Variants in GRAMD1B observed in about 807,000 individuals in gnomAD.
GRAMD1B encodes GRAM domain containing 1B.
In GRAMD1B, 37 loss-of-function variants were observed where a neutral mutation model predicts 99.7. That is an observed-to-expected ratio of 0.37 (90% CI 0.29 to 0.49). GRAMD1B has a LOEUF of 0.49. Ranked by LOEUF, GRAMD1B falls within the 20% of genes least tolerant of loss-of-function variation. The probability of loss-of-function intolerance (pLI) is 0.98; values close to 1 mark genes in which losing one functional copy is unlikely to be tolerated. For missense variants in GRAMD1B, 888 were observed against 1,009.2 expected, an observed-to-expected ratio of 0.88 and a Z score of 1.63; for synonymous variants, 427 against 387.6, an observed-to-expected ratio of 1.10 and a Z score of -1.19.
Position 123,626,037 on chromosome 11 carries a change from T to A in GRAMD1B, c.*3442T>A, listed in dbSNP as rs1480945092. On this transcript the variant is annotated 3_prime_UTR_variant, in exon 20 of 20. Coordinates refer to ENST00000635736, the MANE Select transcript of GRAMD1B (RefSeq NM_001387025.1). ...TAGAAGGGTTTCTTTCTCTTTGGCCTAGTTTGTGAAGGGATCTTCCTTTGG... is the reference window on the plus strand; with the variant it reads ...TAGAAGGGTTTCTTTCTCTTTGGCCAAGTTTGTGAAGGGATCTTCCTTTGG... 6.6e-6 allele frequency: 1 copy of A among 151,526 alleles called. No individual in the cohort carries two copies. Among genetic ancestry groups the A allele is most frequent in the African/African-American group, 2.4e-5 (1 of 41,230 alleles). 9.4% of individuals were successfully genotyped at this position (151,526 alleles called of 1,614,324 possible).
At chr11:123,486,539 C>A (rs1937794472) in intron 2 of GRAMD1B, among the ~76,000 whole-genome samples, 1 of 143,720 alleles carries the variant, frequency 7.0e-6, no homozygotes, top group Non-Finnish European at 1.5e-5. Context: ...CAGAGTGAGA[C>A]CCTGTCTCAA....
intron 1 of GRAMD1B, among the ~76,000 whole-genome samples, chr11:123,442,252 C>G (rs1408599664): frequency 1.3e-5 from 2 of 152,142 alleles, no homozygotes; most frequent in Non-Finnish European, 2.9e-5. Flanking sequence ...TGTACTTTTT[C>G]TTTTTTTATT....
At chr11:123,431,209 C>T (rs1201305268) in intron 1 of GRAMD1B, 43 bp downstream of exon 1, 4 of 660,722 alleles carry the variant, frequency 6.1e-6, no homozygotes, top group South Asian at 1.6e-5. Context: ...CCCTCCCGTC[C>T]TCTCCAGAGC....
intron 1 of GRAMD1B, chr11:123,432,094 C>A (rs899361241): frequency 1.0e-5 from 4 of 398,484 alleles, no homozygotes; most frequent in Non-Finnish European, 1.8e-5. Flanking sequence ...AATTCCTTCT[C>A]CAAATCTGTT....
rs1943041890 is a variant in GRAMD1B, at chr11:123,528,660, C to T, written c.452+47767C>T. On this transcript the variant is annotated intron_variant, in intron 2 of 19. Transcript: ENST00000635736. The stretch of plus-strand genomic sequence containing the variant: ...TACTCCTCTTCTCTAGTATAATTTC[C>T]GCTCTGTGTAATGCCGTGCTAGACA... Among the ~76,000 whole-genome samples the T allele has an allele frequency of 1.1e-4, 17 of 152,064 alleles. No homozygotes were observed. The South Asian group carries it at 3.3e-3, about 30-fold the overall frequency.
In GRAMD1B at chr11:123,363,570, C is replaced by CT. The variant is rs1404217054; in HGVS notation, c.-176+4780dup. On this transcript the variant is annotated intron_variant, in intron 1 of 20. Transcript: ENST00000638157. ...TTCCCCTCTCATACTCTCTCTCATA[C>CT]TTTTTTTTTGTTTGTTTTTTTTTGG... is the stretch of plus-strand genomic sequence containing the variant. Among the ~76,000 whole-genome samples the CT allele has an allele frequency of 2.5e-3, 371 of 151,356 alleles. 3 individuals are homozygous for CT. Among genetic ancestry groups the CT allele is most frequent in the African/African-American group, 8.6e-3 (354 of 41,048 alleles).
At chr11:123,536,836 T>G (rs1794191) in intron 2 of GRAMD1B, among the ~76,000 whole-genome samples, 149,252 of 152,238 alleles carry the variant, frequency 0.98, 73,180 homozygotes, top group East Asian at 1. Context: ...TCCCACAAGG[T>G]TATGGTCACT....
chr11:123,592,683 T>G (rs1950800621), intron 4 of GRAMD1B, among the ~76,000 whole-genome samples: 1 of 152,132 alleles, frequency 6.6e-6, no homozygotes, highest in Admixed American at 6.5e-5. Flanking sequence ...GGAATGTTGT[T>G]TTCTAAGTTT....
intron 1 of GRAMD1B, among the ~76,000 whole-genome samples, chr11:123,425,032 A>T (rs1441706909): frequency 6.6e-6 from 1 of 152,220 alleles, no homozygotes; most frequent in East Asian, 1.9e-4. Flanking sequence ...TGTGTGCCAA[A>T]CTCTGTTCTA....
intron 4 of GRAMD1B, among the ~76,000 whole-genome samples, chr11:123,589,623 T>TAC (rs1950438869): frequency 1.4e-5 from 2 of 142,312 alleles, no homozygotes; most frequent in South Asian, 4.4e-4. Flanking sequence ...TTTATATATA[T>TAC]ATATATATAT....
intron 17 of GRAMD1B, among the ~76,000 whole-genome samples, chr11:123,617,967 C>T (rs923562320): frequency 1.3e-5 from 2 of 152,160 alleles, no homozygotes; most frequent in East Asian, 1.9e-4. Context: ...CCCTGCCAGC[C>T]GGTATCAGGT....
chr11:123,517,908 C>A (rs1218614456), intron 2 of GRAMD1B, among the ~76,000 whole-genome samples: 2 of 152,156 alleles, frequency 1.3e-5, no homozygotes, highest in African/African-American at 4.8e-5. Flanking sequence ...ATGGGTGCCC[C>A]CTCCCGGAGA....
At chr11:123,390,373 T>C (rs911765470) in intron 1 of GRAMD1B, among the ~76,000 whole-genome samples, 2 of 152,244 alleles carry the variant, frequency 1.3e-5, no homozygotes, top group Non-Finnish European at 2.9e-5. Context: ...TGGGCATTGC[T>C]GAGCAACGTC....
At chr11:123,446,925 AGAAAG>A (rs1382730660) in intron 1 of GRAMD1B, among the ~76,000 whole-genome samples, 10 of 152,168 alleles carry the variant, frequency 6.6e-5, no homozygotes, top group East Asian at 1.9e-4. Flanking sequence ...AGAAAAGAAA[AGAAAG>A]GAAAGAAAGA....
rs1415954482 is a variant in GRAMD1B at position 123,430,921 on chromosome 11, CAAGATGCGCCGCATG to C, written c.134_148del (p.Met45_Lys49del). Reference sequence around the variant, plus strand: ...CCCCCACGCTTCGCCGCCGGCGCTTCAAGATGCGCCGCATGAAGAACGTACAGGAGCAGAGCCTGG... The same window carrying C: ...CCCCCACGCTTCGCCGCCGGCGCTTCAAGAACGTACAGGAGCAGAGCCTGG... On this transcript the variant is annotated inframe_deletion, in exon 1 of 20. Transcript: ENST00000635736. The C allele has an allele frequency of 2.3e-5, 16 of 702,644 alleles. No homozygotes were observed. The highest frequency in any genetic ancestry group is 3.6e-5 in the Non-Finnish European group (14 of 384,876). 43.5% of individuals were successfully genotyped at this position (702,644 alleles called of 1,614,324 possible).
intron 2 of GRAMD1B, among the ~76,000 whole-genome samples, chr11:123,552,092 G>T (rs1487890167): frequency 6.6e-6 from 1 of 151,970 alleles, no homozygotes; most frequent in Non-Finnish European, 1.5e-5. Context: ...CACACATGGG[G>T]CCCTGTGCGT....
At chr11:123,481,178 G>A (rs1418813184) in intron 2 of GRAMD1B, among the ~76,000 whole-genome samples, 2 of 152,110 alleles carry the variant, frequency 1.3e-5, no homozygotes, top group Non-Finnish European at 2.9e-5. Flanking sequence ...TACTGAGCAG[G>A]GCTTGGTGGC....
chr11:123,624,563 A>G lies in GRAMD1B; in HGVS notation c.*1968A>G, dbSNP rs762510513. ...CCCACAGCCCAGTGGGTCCTTGTTCAGTTCTTGTCCAGGCCTTTGGGTGAG... is the reference window on the plus strand; with the variant it reads ...CCCACAGCCCAGTGGGTCCTTGTTCGGTTCTTGTCCAGGCCTTTGGGTGAG... On this transcript the variant is annotated 3_prime_UTR_variant, in exon 20 of 20. Coordinates refer to ENST00000635736, the MANE Select transcript of GRAMD1B (RefSeq NM_001387025.1). 8 of 152,172 alleles carry G rather than the reference A, an allele frequency of 5.3e-5. No homozygotes were observed. Among genetic ancestry groups the G allele is most frequent in the East Asian group, 3.9e-4 (2 of 5,182 alleles). 9.4% of individuals were successfully genotyped at this position (152,172 alleles called of 1,614,324 possible).
chr11:123,370,465 T>C (rs4267084), intron 1 of GRAMD1B, among the ~76,000 whole-genome samples: 72,773 of 150,724 alleles, frequency 0.48, 21,992 homozygotes, highest in African/African-American at 0.87. Flanking sequence ...CTCAGCCTCC[T>C]GAGTAGCTGG....
Sources: allele counts gnomAD v4.1 joint callset (sites outside exome capture counted in the v4.1 genomes callset), GRCh38; gene constraint gnomAD v4.1.1; transcripts MANE v1.5; gene names NCBI Gene and HGNC (gene_info 2026-07-23, HGNC 2026-07-21).